The following GPATCH8 variants were observed in gnomAD, a reference collection of about 807,000 sequenced individuals.
GPATCH8 encodes G-patch domain containing 8.
Under a neutral mutation model 118.3 loss-of-function variants are expected in GPATCH8, and 18 were observed. That is an observed-to-expected ratio of 0.15 (90% CI 0.11 to 0.23). The LOEUF (loss-of-function observed/expected upper bound fraction) is 0.23. Among genes scored for constraint, GPATCH8 ranks in the 10% least tolerant of loss-of-function variants. GPATCH8 has a pLI of 1.00. For synonymous variants in GPATCH8, 659 were observed against 684.7 expected (o/e 0.96, Z 0.59); for missense variants, 1,631 against 1,873.8 (o/e 0.87, Z 2.39).
At chr17:44,445,346 G>A (rs964678895) in intron 3 of GPATCH8, among the ~76,000 whole-genome samples, 1 of 152,096 alleles carries the variant, frequency 6.6e-6, no homozygotes, top group Non-Finnish European at 1.5e-5. Context: ...TAGGGTAAGT[G>A]GTCTGTTAGA....
chr17:44,421,993 G>A (rs1486071636), intron 6 of GPATCH8, among the ~76,000 whole-genome samples: 1 of 152,002 alleles, frequency 6.6e-6, no homozygotes, highest in Admixed American at 6.6e-5. Flanking sequence ...CCAAAGTGCT[G>A]GGATTATAGG....
At chr17:44,430,806 C>CTTTT (rs369020719) in intron 5 of GPATCH8, among the ~76,000 whole-genome samples, 31 of 129,552 alleles carry the variant, frequency 2.4e-4, no homozygotes, top group Non-Finnish European at 8.1e-5. Flanking sequence ...CCACGCCCAG[C>CTTTT]TTTTTTTTTT....
chr17:44,493,305 C>T (rs572585870), intron 1 of GPATCH8, among the ~76,000 whole-genome samples: 41 of 152,258 alleles, frequency 2.7e-4, no homozygotes, highest in Non-Finnish European at 5.6e-4. Flanking sequence ...AGGTTATCCA[C>T]CCACCTTGGC....
intron 1 of GPATCH8, among the ~76,000 whole-genome samples, chr17:44,478,970 A>C (rs1160631023): frequency 6.6e-6 from 1 of 152,166 alleles, no homozygotes; most frequent in East Asian, 1.9e-4. Context: ...CTCTGCCTCT[A>C]AAAGTTCTGG....
chr17:44,475,706 A>T (rs1967711523), intron 1 of GPATCH8, among the ~76,000 whole-genome samples: 1 of 151,478 alleles, frequency 6.6e-6, no homozygotes, highest in Non-Finnish European at 1.5e-5. Flanking sequence ...AAACAAACAA[A>T]CAAACAAACA....
chr17:44,501,404 G>A (rs1235947255), intron 1 of GPATCH8, among the ~76,000 whole-genome samples: 1 of 141,900 alleles, frequency 7.0e-6, no homozygotes, highest in African/African-American at 2.7e-5. Flanking sequence ...GCGACACAGC[G>A]AGACTCCATT....
chr17:44,448,503 A>AAAG (rs1491260519), intron 3 of GPATCH8, among the ~76,000 whole-genome samples: 1 of 63,746 alleles, frequency 1.6e-5, no homozygotes, highest in Non-Finnish European at 2.8e-5. Flanking sequence ...AAAAAAAAAA[A>AAAG]GGGGGGGGGG....
In GPATCH8 at chr17:44,406,504, G is replaced by GC. The variant is rs2049233606; in HGVS notation, c.493-454_493-453insG. On this transcript the variant is annotated intron_variant, in intron 6 of 7. Transcript: ENST00000591680. ...GCAATGTACAGCTTACATGGGGGGG[G>GC]GGGGTTATTTAAATTAGAACAAATA... Among the ~76,000 whole-genome samples the GC allele has an allele frequency of 1.7e-5, 2 of 116,098 alleles. 1 individual carries two copies. Among genetic ancestry groups the GC allele is most frequent in the Non-Finnish European group, 3.6e-5 (2 of 55,956 alleles). The allele number at this position is 116,098 out of a possible 152,430, so 76.2% of individuals were successfully genotyped here.
At chr17:44,480,558 T>C (rs537257505) in intron 1 of GPATCH8, among the ~76,000 whole-genome samples, 1 of 151,820 alleles carries the variant, frequency 6.6e-6, no homozygotes, top group African/African-American at 2.4e-5. Context: ...TCTACTAAAA[T>C]AAAAATAAAA....
intron 3 of GPATCH8, among the ~76,000 whole-genome samples, chr17:44,456,656 A>C (rs1292280456): frequency 1.3e-5 from 2 of 152,144 alleles, no homozygotes; most frequent in African/African-American, 4.8e-5. Flanking sequence ...TTAGTCATAA[A>C]ATGTAGTCTA....
chr17:44,443,281 A>G (rs2050765337), intron 3 of GPATCH8, among the ~76,000 whole-genome samples: 1 of 152,222 alleles, frequency 6.6e-6, no homozygotes, highest in Non-Finnish European at 1.5e-5. Flanking sequence ...CTTAAATATC[A>G]TTTCATTTAT....
Position 44,484,157 on chromosome 17 carries a change from A to T in GPATCH8, c.46-9254T>A, listed in dbSNP as rs114660869. Among the ~76,000 whole-genome samples the T allele has an allele frequency of 9.9e-3, 1,492 of 150,576 alleles. 18 individuals are homozygous for T. Among genetic ancestry groups the T allele is most frequent in the African/African-American group, 0.035 (1,415 of 40,934 alleles). Reference sequence around the variant, plus strand: ...GCCAGACCAATTTATTTATTTATTTATTTTTTAGCAGAAACAGGGTTTCGC... The same window carrying T: ...GCCAGACCAATTTATTTATTTATTTTTTTTTTAGCAGAAACAGGGTTTCGC... On this transcript the variant is annotated intron_variant, in intron 1 of 7. Transcript: ENST00000591680.
rs2048762344 is a variant in GPATCH8 at position 44,395,883 on chromosome 17, G to C, written c.*1685C>G. ...TGGGACCTGCAACACAAGCACCTTTGGGTCAGTGTGTTAATTAGGGCTGAG... is the reference window on the plus strand; with the variant it reads ...TGGGACCTGCAACACAAGCACCTTTCGGTCAGTGTGTTAATTAGGGCTGAG... On this transcript the variant is annotated 3_prime_UTR_variant, in exon 8 of 8. Transcript: ENST00000591680. The C allele has an allele frequency of 2.2e-6, 1 of 454,050 alleles. No homozygotes were observed. The highest frequency in any genetic ancestry group is 1.6e-5 in the South Asian group (1 of 64,478). The allele number at this position is 454,050 out of a possible 1,614,324, so 28.1% of individuals were successfully genotyped here.
At chr17:44,462,904 C>T (rs1179503597) in intron 3 of GPATCH8, among the ~76,000 whole-genome samples, 2 of 151,958 alleles carry the variant, frequency 1.3e-5, no homozygotes. Context: ...TGGCGTGAAC[C>T]CGGGAGGTGG....
At chr17:44,442,384 G>C (rs1483251247) in intron 3 of GPATCH8, among the ~76,000 whole-genome samples, 2 of 152,240 alleles carry the variant, frequency 1.3e-5, no homozygotes, top group African/African-American at 4.8e-5. Flanking sequence ...GTCTGAAGTT[G>C]TCTTTTAAAG....
At chr17:44,437,268 C>T (rs768478167) in intron 3 of GPATCH8, among the ~76,000 whole-genome samples, 1 of 151,930 alleles carries the variant, frequency 6.6e-6, no homozygotes, top group Admixed American at 6.6e-5. Flanking sequence ...GGACTAGTTG[C>T]GAAGAAAATT....
chr17:44,443,220 TTC>T (rs547001433), intron 3 of GPATCH8, among the ~76,000 whole-genome samples: 250 of 152,342 alleles, frequency 1.6e-3, no homozygotes, highest in African/African-American at 5.7e-3. Context: ...ACGCAGGTGA[TTC>T]TCTGATTTGC....
chr17:44,404,052 T>C (rs985645405), intron 7 of GPATCH8, among the ~76,000 whole-genome samples: 2 of 151,978 alleles, frequency 1.3e-5, no homozygotes, highest in African/African-American at 4.8e-5. Flanking sequence ...CTCAACAGAT[T>C]TGGAGAGCAA....
intron 6 of GPATCH8, among the ~76,000 whole-genome samples, chr17:44,416,916 T>G (rs1801821407): frequency 6.6e-6 from 1 of 152,230 alleles, no homozygotes; most frequent in Non-Finnish European, 1.5e-5. Context: ...ACTTTAGTCC[T>G]TTTAGAAAAT....
Sources: allele counts gnomAD v4.1 joint callset (sites outside exome capture counted in the v4.1 genomes callset), GRCh38; gene constraint gnomAD v4.1.1; transcripts MANE v1.5; gene names NCBI Gene and HGNC (gene_info 2026-07-23, HGNC 2026-07-21).